CCSER1: variants seen among roughly 807,000 people sequenced by gnomAD.
The protein encoded by CCSER1 is coiled-coil serine rich protein 1.
Under a neutral mutation model 82.0 loss-of-function variants are expected in CCSER1, and 41 were observed. That is an observed-to-expected ratio of 0.50 (90% CI 0.39 to 0.65). The LOEUF is 0.65. Among genes scored for constraint, CCSER1 ranks in the 30% least tolerant of loss-of-function variants. CCSER1 has a pLI of 0.00. For synonymous variants in CCSER1, 414 were observed against 383.9 expected, an observed-to-expected ratio of 1.08 and a Z score of -0.92; for missense variants, 1,119 against 1,064.2, an observed-to-expected ratio of 1.05 and a Z score of -0.72.
intron 10 of CCSER1, among the ~76,000 whole-genome samples, chr4:91,463,914 A>T (rs1260052720): frequency 1.3e-5 from 2 of 152,234 alleles, no homozygotes; most frequent in African/African-American, 4.8e-5. Flanking sequence ...AATGGAACCA[A>T]GTTGGCAAAC....
chr4:91,290,687 CAT>C (rs1161654410), intron 10 of CCSER1, among the ~76,000 whole-genome samples: 1 of 151,894 alleles, frequency 6.6e-6, no homozygotes, highest in African/African-American at 2.4e-5. Flanking sequence ...CCAAAATTAA[CAT>C]ATTCTTTTTC....
intron 6 of CCSER1, among the ~76,000 whole-genome samples, chr4:90,629,738 G>C (rs1221060946): frequency 6.6e-6 from 1 of 152,210 alleles, no homozygotes; most frequent in Non-Finnish European, 1.5e-5. Flanking sequence ...AATGTGTTGT[G>C]CTGTAGCGGT....
intron 10 of CCSER1, among the ~76,000 whole-genome samples, chr4:91,512,406 T>C (rs1045272779): frequency 2.6e-5 from 4 of 152,200 alleles, no homozygotes; most frequent in Admixed American, 6.5e-5. Flanking sequence ...TTTGGACTCT[T>C]GGACTTACAC....
intron 4 of CCSER1, among the ~76,000 whole-genome samples, chr4:90,467,759 C>T (rs1249628107): frequency 1.3e-5 from 2 of 151,674 alleles, no homozygotes; most frequent in Admixed American, 6.6e-5. Flanking sequence ...GTGTAAAGGT[C>T]AGAAATAGGC....
intron 9 of CCSER1, among the ~76,000 whole-genome samples, chr4:91,068,844 G>T (rs898223851): frequency 6.6e-6 from 1 of 152,122 alleles, no homozygotes; most frequent in African/African-American, 2.4e-5. Flanking sequence ...AGTTGAAATC[G>T]TTTAGGTAAC....
At chr4:91,160,986 G>T (rs1731334163) in intron 10 of CCSER1, among the ~76,000 whole-genome samples, 1 of 152,128 alleles carries the variant, frequency 6.6e-6, no homozygotes, top group South Asian at 2.1e-4. Flanking sequence ...CCATGCCTAT[G>T]TCTTGAATGG....
chr4:90,211,764 C>CTGA (rs1740049133), intron 1 of CCSER1, among the ~76,000 whole-genome samples: 1 of 152,182 alleles, frequency 6.6e-6, no homozygotes, highest in Non-Finnish European at 1.5e-5. Context: ...AGGAAGTTTA[C>CTGA]TGATGAATTC....
intron 10 of CCSER1, among the ~76,000 whole-genome samples, chr4:91,590,482 T>TACAA (rs1275278966): frequency 6.6e-6 from 1 of 152,144 alleles, no homozygotes. Flanking sequence ...CGTCTAAGGC[T>TACAA]ACAAACAGAC....
intron 9 of CCSER1, among the ~76,000 whole-genome samples, chr4:90,949,094 GAGAA>G (rs938412212): frequency 6.6e-6 from 1 of 152,130 alleles, no homozygotes; most frequent in Admixed American, 6.5e-5. Context: ...AATTTGTATA[GAGAA>G]AGAGATGCTA....
At chr4:90,565,588 T>C (rs921976382) in intron 5 of CCSER1, among the ~76,000 whole-genome samples, 5 of 152,236 alleles carry the variant, frequency 3.3e-5, no homozygotes, top group Non-Finnish European at 1.5e-5. Flanking sequence ...TGCCTTGTTC[T>C]AATGTCAGTG....
intron 1 of CCSER1, among the ~76,000 whole-genome samples, chr4:90,291,069 T>C (rs1160948080): frequency 6.6e-6 from 1 of 152,020 alleles, no homozygotes; most frequent in Non-Finnish European, 1.5e-5. Context: ...TTCAAAGTCA[T>C]AAAAAATAAA....
At chr4:90,384,270 G>T (rs1207508238) in intron 3 of CCSER1, among the ~76,000 whole-genome samples, 3 of 144,936 alleles carry the variant, frequency 2.1e-5, no homozygotes, top group Middle Eastern at 6.9e-3. Flanking sequence ...AGGTATATTT[G>T]CTAATGCTAT....
At chr4:91,164,339 C>T (rs1000441013) in intron 10 of CCSER1, among the ~76,000 whole-genome samples, 7 of 152,228 alleles carry the variant, frequency 4.6e-5, no homozygotes, top group East Asian at 1.9e-4. Flanking sequence ...GTAACCCGAC[C>T]TTTCTCTCTG....
chr4:90,437,044 A>G (rs1005803662), intron 4 of CCSER1, among the ~76,000 whole-genome samples: 2 of 151,912 alleles, frequency 1.3e-5, no homozygotes, highest in Admixed American at 6.6e-5. Flanking sequence ...GATGGTCTCA[A>G]TCTCCTGACC....
At chr4:90,180,835 C>T (rs915961264) in intron 1 of CCSER1, among the ~76,000 whole-genome samples, 1 of 152,040 alleles carries the variant, frequency 6.6e-6, no homozygotes, top group African/African-American at 2.4e-5. Flanking sequence ...AATAACACTT[C>T]AAAATGAACA....
rs143269587 is a variant in CCSER1 at position 91,061,064 on chromosome 4, A to C, written c.2173-24886A>C. On this transcript the variant is annotated intron_variant, in intron 9 of 10. Coordinates refer to ENST00000509176, the MANE Select transcript of CCSER1 (RefSeq NM_001145065.2). ...CAGCCATGATTGTTAGTGAAAATGA[A>C]CTTAAATCTTAATACTATTTTTATG... 9.3e-4 allele frequency among the ~76,000 whole-genome samples: 141 copies of C among 152,184 alleles called. 1 individual carries two copies. The highest frequency in any genetic ancestry group is 1.8e-3 in the Non-Finnish European group (121 of 67,944).
intron 9 of CCSER1, among the ~76,000 whole-genome samples, chr4:91,021,318 G>A (rs1441441455): frequency 6.6e-6 from 1 of 151,944 alleles, no homozygotes; most frequent in Middle Eastern, 3.2e-3. Flanking sequence ...TAAAAAACAA[G>A]AACTATTGCT....
In CCSER1 at chr4:91,106,003, A is replaced by G. The variant is rs564964742; in HGVS notation, c.2217+20009A>G. Among the ~76,000 whole-genome samples, 10 of 152,306 alleles carry G rather than the reference A, an allele frequency of 6.6e-5. No individual in the cohort carries two copies. The South Asian group carries it at 1.2e-3, about 19-fold the overall frequency. The stretch of plus-strand genomic sequence containing the variant: ...TTTTAAAATGTGGTAAATGCTCTGT[A>G]TTATTATCTGATAATCAAAGTAATT... On this transcript the variant is annotated intron_variant, in intron 10 of 10. Transcript: ENST00000509176.
chr4:91,555,739 C>T (rs1387267504), intron 10 of CCSER1, among the ~76,000 whole-genome samples: 1 of 151,050 alleles, frequency 6.6e-6, no homozygotes, highest in Non-Finnish European at 1.5e-5. Flanking sequence ...TCAATTTCAT[C>T]TTATTTTATG....
Sources: gnomAD v4.1 joint callset for allele counts (sites outside exome capture counted in the v4.1 genomes callset) on GRCh38, gnomAD v4.1.1 for gene constraint, MANE v1.5 for transcripts, NCBI Gene and HGNC (gene_info 2026-07-23, HGNC 2026-07-21) for gene names.